The following PLA2G6 variants were observed in gnomAD, a reference collection of about 807,000 sequenced individuals.
The protein encoded by PLA2G6 is phospholipase A2 group VI, also known as 85/88 kDa calcium-independent phospholipase A2.
In PLA2G6, 62 loss-of-function variants were observed where a neutral mutation model predicts 83.8. The ratio of observed to expected loss-of-function variants is 0.74; its 90% confidence interval spans 0.60 to 0.91. The LOEUF is 0.91. Ranked by LOEUF, PLA2G6 falls within the 40% of genes least tolerant of loss-of-function variation. The probability of loss-of-function intolerance (pLI) is 0.00; values close to 1 mark genes in which losing one functional copy is unlikely to be tolerated. For missense variants in PLA2G6, 944 were observed against 1,102.0 expected (o/e 0.86, Z 2.03); for synonymous variants, 417 against 449.8 (o/e 0.93, Z 0.92).
In PLA2G6 at chr22:38,112,132, A is replaced by T. The variant is rs1449999777; in HGVS notation, c.*29T>A. On this transcript the variant is annotated 3_prime_UTR_variant, in exon 17 of 17. Transcript: ENST00000332509. ...TGGCAGGGGCTGAATGGACGAGGTCAGCTGGGGCCGGTGAGAGGCTGGGGA... is the reference window on the plus strand; with the variant it reads ...TGGCAGGGGCTGAATGGACGAGGTCTGCTGGGGCCGGTGAGAGGCTGGGGA... 4 of 1,563,312 alleles carry T rather than the reference A, an allele frequency of 2.6e-6. No individual in the cohort carries two copies. The highest frequency in any genetic ancestry group is 1.2e-5 in the South Asian group (1 of 85,106).
chr22:38,170,259 C>A (rs967292726), intron 1 of PLA2G6, among the ~76,000 whole-genome samples: 3 of 151,606 alleles, frequency 2.0e-5, no homozygotes, highest in Non-Finnish European at 4.4e-5. Flanking sequence ...AAATCAATGT[C>A]CCCCCTCCTA....
chr22:38,112,908 T>TC (rs1491426929), intron 15 of PLA2G6: 46 of 406,512 alleles, frequency 1.1e-4, no homozygotes, highest in African/African-American at 9.2e-4. Flanking sequence ...TCTCTCTCTC[T>TC]TTCTTTCTTT....
chr22:38,179,365 A>T (rs1381980007), intron 1 of PLA2G6, among the ~76,000 whole-genome samples: 3 of 152,208 alleles, frequency 2.0e-5, no homozygotes, highest in Non-Finnish European at 4.4e-5. Context: ...CACAGCTTTG[A>T]CCTGAGCAAC....
rs11570660 is a variant in PLA2G6 at position 38,140,461 on chromosome 22, T to C, written c.610-292A>G. ...AGGCAGAGGTTGCAGTGAGCTGAGA[T>C]TGCATCATTGCACTCTAGCCTGGGC... On this transcript the variant is annotated intron_variant, in intron 4 of 16. Coordinates refer to ENST00000332509, the MANE Select transcript of PLA2G6 (RefSeq NM_003560.4). The C allele has an allele frequency of 0.097, 38,672 of 397,398 alleles. 2,102 individuals carry two copies. The highest frequency in any genetic ancestry group is 0.14 in the East Asian group (2,407 of 16,986). The allele number at this position is 397,398 out of a possible 1,614,324, so 24.6% of individuals were successfully genotyped here. A position where few individuals can be genotyped will look rare whatever the true frequency, so the allele number is the denominator to read the frequency against.
intron 2 of PLA2G6, among the ~76,000 whole-genome samples, chr22:38,165,681 G>A (rs1349134913): frequency 5.3e-5 from 8 of 152,102 alleles, no homozygotes; most frequent in Non-Finnish European, 1.2e-4. Flanking sequence ...AGACCATCCT[G>A]GCTAAGAGTA....
intron 3 of PLA2G6, chr22:38,145,186 C>A: frequency 1.9e-6 from 1 of 519,086 alleles, no homozygotes; most frequent in Non-Finnish European, 3.5e-6. Flanking sequence ...GGAGTATAGA[C>A]ACATGCTAAT....
chr22:38,131,159 G>A (rs146044796), intron 7 of PLA2G6: 6 of 152,222 alleles, frequency 3.9e-5, no homozygotes, highest in Middle Eastern at 3.4e-3. Flanking sequence ...CTGTGAACAC[G>A]TGATACCCTT....
chr22:38,112,666 A>G lies in PLA2G6; in HGVS notation c.2203-89T>C, dbSNP rs1470999321. On this transcript the variant is annotated intron_variant, in intron 15 of 16. Coordinates refer to ENST00000332509, the MANE Select transcript of PLA2G6 (RefSeq NM_003560.4). ...CCCTGCCCTGCACTCTCGGAGCCCC[A>G]GCCTGGGGAGCCCCAGGCTCTTTCG... is the stretch of plus-strand genomic sequence containing the variant. 4.5e-6 allele frequency: 5 copies of G among 1,101,080 alleles called. No individual in the cohort carries two copies. In the African/African-American group the frequency reaches 7.8e-5, roughly 17 times the overall value. 68.2% of individuals were successfully genotyped at this position (1,101,080 alleles called of 1,614,324 possible). A position where few individuals can be genotyped will look rare whatever the true frequency, so the allele number is the denominator to read the frequency against.
At chr22:38,117,622 C>A (rs1030414380) in intron 12 of PLA2G6, among the ~76,000 whole-genome samples, 1 of 152,206 alleles carries the variant, frequency 6.6e-6, no homozygotes, top group Non-Finnish European at 1.5e-5. Flanking sequence ...CAATTTACAA[C>A]TAAAATATCC....
rs575885925 is a variant in PLA2G6, at chr22:38,174,775, G to T, written c.-45-5304C>A. On this transcript the variant is annotated intron_variant, in intron 1 of 16. Coordinates refer to ENST00000332509, the MANE Select transcript of PLA2G6 (RefSeq NM_003560.4). ...CACTGGGACTGGACGGCTCGAGAGG[G>T]GAAGGTGCTGAGAGGAGGGGCCGTG... Among the ~76,000 whole-genome samples, 543 of 152,288 alleles carry T rather than the reference G, an allele frequency of 3.6e-3. 5 individuals carry two copies. Among genetic ancestry groups the T allele is most frequent in the African/African-American group, 0.013 (524 of 41,556 alleles).
At chr22:38,150,019 C>T (rs2089481127) in intron 2 of PLA2G6, 1 of 141,282 alleles carries the variant, frequency 7.1e-6, no homozygotes, top group African/African-American at 2.7e-5. Flanking sequence ...GCTGATTTAA[C>T]ATACCCTATA....
chr22:38,154,397 G>T (rs1212965977), intron 2 of PLA2G6, among the ~76,000 whole-genome samples: 1 of 152,190 alleles, frequency 6.6e-6, no homozygotes, highest in Non-Finnish European at 1.5e-5. Context: ...AGGCGGCCCA[G>T]CACAGAGAGA....
intron 2 of PLA2G6, among the ~76,000 whole-genome samples, chr22:38,153,805 C>A (rs972504518): frequency 3.3e-5 from 5 of 152,156 alleles, no homozygotes; most frequent in Admixed American, 3.3e-4. Flanking sequence ...TCTTGGGGTC[C>A]CAGATTCTAA....
chr22:38,139,936 G>A (rs190986606), intron 5 of PLA2G6, 46 bp downstream of exon 5: 13 of 1,463,784 alleles, frequency 8.9e-6, no homozygotes, highest in Admixed American at 2.0e-5. Flanking sequence ...TGACAGGAGA[G>A]CTGGAGCCCA....
At chr22:38,179,363 T>A (rs2090758225) in intron 1 of PLA2G6, among the ~76,000 whole-genome samples, 1 of 152,206 alleles carries the variant, frequency 6.6e-6, no homozygotes, top group Non-Finnish European at 1.5e-5. Flanking sequence ...CTCACAGCTT[T>A]GACCTGAGCA....
Position 38,112,306 on chromosome 22 carries a change from C to G in PLA2G6, c.2277-1G>C. On this transcript the variant is annotated splice_acceptor_variant, in intron 16 of 16. Transcript: ENST00000332509. LOFTEE classifies it high-confidence loss of function. ...GTCCGTCCCCAGCTGGGGGTTCAATCTGTTCGGGCCAGGGAGGAGGGGGTC... is the reference window on the plus strand; with the variant it reads ...GTCCGTCCCCAGCTGGGGGTTCAATGTGTTCGGGCCAGGGAGGAGGGGGTC... The G allele has an allele frequency of 6.2e-7, 1 of 1,613,294 alleles. No individual in the cohort carries two copies. The highest frequency in any genetic ancestry group is 1.1e-5 in the South Asian group (1 of 90,974).
chr22:38,173,562 T>G lies in PLA2G6; in HGVS notation c.-45-4091A>C, dbSNP rs902787892. ...GATATTTCTGGCCGTTTTCCTTATC[T>G]CTGCTCACCCATCCTCTGTCAAAAC... On this transcript the variant is annotated intron_variant, in intron 1 of 16. Transcript: ENST00000332509. Among the ~76,000 whole-genome samples the G allele has an allele frequency of 9.9e-5, 15 of 152,268 alleles. No homozygotes were observed. The East Asian group carries it at 1.2e-3, about 12-fold the overall frequency.
Position 38,115,620 on chromosome 22 carries a change from A to G in PLA2G6, c.1941T>C (p.Asn647=). 1 of 1,609,656 alleles carries G rather than the reference A, an allele frequency of 6.2e-7. No homozygotes were observed. The highest frequency in any genetic ancestry group is 1.3e-5 in the African/African-American group (1 of 74,982). Residue 647 remains asparagine, a synonymous_variant, in exon 14 of 17, where the codon AAT becomes AAC. Coordinates refer to ENST00000332509, the MANE Select transcript of PLA2G6 (RefSeq NM_003560.4). The part of the protein sequence containing the change: ...SGAAPTYFRP[N]GRFLDGGLLA... ...GCAGCCCACCGTCCAGGAAGCGCCC[A>G]TTGGGTCGGAAGTAAGTAGGAGCTG...
At chr22:38,177,457 ACTTT>A (rs1371707663) in intron 1 of PLA2G6, among the ~76,000 whole-genome samples, 1 of 120,264 alleles carries the variant, frequency 8.3e-6, no homozygotes, top group Non-Finnish European at 1.7e-5. Flanking sequence ...GTAAATTGCC[ACTTT>A]TTTTTTTTTT....
Sources: allele counts gnomAD v4.1 joint callset (sites outside exome capture counted in the v4.1 genomes callset), GRCh38; gene constraint gnomAD v4.1.1; transcripts MANE v1.5; gene names NCBI Gene and HGNC (gene_info 2026-07-23, HGNC 2026-07-21).